CHN2: variants seen among roughly 807,000 people sequenced by gnomAD.
CHN2 encodes beta-chimaerin.
CHN2 carries 35 observed loss-of-function variants against 56.3 expected under a neutral mutation model. The observed-to-expected ratio is 0.62, with a 90% confidence interval of 0.47 to 0.82. CHN2 has a LOEUF of 0.82. CHN2 is among the 40% of genes least tolerant of loss of function. The pLI, the probability that CHN2 is intolerant of heterozygous loss-of-function variation, is 0.00. For missense variants in CHN2, 491 were observed against 580.5 expected (o/e 0.85, Z 1.58); for synonymous variants, 210 against 212.8 (o/e 0.99, Z 0.12).
At chr7:29,497,752 C>A (rs1554304447) in intron 8 of CHN2, among the ~76,000 whole-genome samples, 1 of 152,144 alleles carries the variant, frequency 6.6e-6, no homozygotes, top group Non-Finnish European at 1.5e-5. Flanking sequence ...TATAGAACAT[C>A]TTAATTTTAA....
intron 2 of CHN2, among the ~76,000 whole-genome samples, chr7:29,172,864 G>A (rs1189866471): frequency 6.6e-6 from 1 of 151,916 alleles, no homozygotes; most frequent in Non-Finnish European, 1.5e-5. Context: ...GGATAAGGCC[G>A]AGTGTGGTAG....
intron 3 of CHN2, among the ~76,000 whole-genome samples, chr7:29,390,269 A>T (rs549807704): frequency 1.3e-5 from 2 of 152,260 alleles, no homozygotes; most frequent in South Asian, 4.2e-4. Context: ...GTGTAACACG[A>T]CTACATATTT....
rs1210084380 is a variant in CHN2 at position 29,354,642 on chromosome 7, C to T, written c.67C>T (p.Pro23Ser). The change falls in exon 2 of 13, where the codon CCT becomes TCT. Residue 23 changes from proline to serine, a missense_variant. By Grantham distance (74) the Pro-to-Ser change is moderately conservative. Coordinates refer to ENST00000222792, the MANE Select transcript of CHN2 (RefSeq NM_004067.4). ...SVSSDAEEYQPPIWKSYLYQL... is the reference protein window; with the variant it reads ...SVSSDAEEYQSPIWKSYLYQL... ...CATTCTAGATGCTGAAGAATACCAGCCTCCTATATGGAAATCATACTGTGA... is the reference window on the plus strand; with the variant it reads ...CATTCTAGATGCTGAAGAATACCAGTCTCCTATATGGAAATCATACTGTGA... The T allele has an allele frequency of 1.9e-6, 3 of 1,611,414 alleles. No individual in the cohort carries two copies. The highest frequency in any genetic ancestry group is 2.5e-6 in the Non-Finnish European group (3 of 1,179,386).
At chr7:29,193,698 G>A (rs1490537353), upstream of CHN2, 1 of 152,190 alleles carries the variant, frequency 6.6e-6, no homozygotes, top group African/African-American at 2.4e-5. Flanking sequence ...CCTTGTGCTC[G>A]AGTCTCTTTC....
At chr7:29,198,024 G>A (rs1333114537) in intron 1 of CHN2, 2 of 456,284 alleles carry the variant, frequency 4.4e-6, no homozygotes, top group Admixed American at 4.7e-5. Flanking sequence ...TCTTGGGAAA[G>A]TTATGCTTAC....
intron 6 of CHN2, among the ~76,000 whole-genome samples, chr7:29,464,166 G>C (rs1218954911): frequency 6.6e-6 from 1 of 152,152 alleles, no homozygotes; most frequent in Non-Finnish European, 1.5e-5. Context: ...CCTTTATTGA[G>C]CCCTTATTTT....
At chr7:29,255,464 T>G (rs1788994731) in intron 1 of CHN2, among the ~76,000 whole-genome samples, 1 of 152,150 alleles carries the variant, frequency 6.6e-6, no homozygotes, top group Non-Finnish European at 1.5e-5. Flanking sequence ...GTTAGAACCT[T>G]CCAGCCATGA....
chr7:29,381,718 C>A (rs1456442935), intron 3 of CHN2, among the ~76,000 whole-genome samples: 1 of 150,418 alleles, frequency 6.6e-6, no homozygotes, highest in Non-Finnish European at 1.5e-5. Context: ...CTTACAGACA[C>A]CCTGGCTCCA....
At chr7:29,404,608 T>C (rs962639521) in intron 6 of CHN2, among the ~76,000 whole-genome samples, 2 of 152,138 alleles carry the variant, frequency 1.3e-5, no homozygotes, top group African/African-American at 2.4e-5. Context: ...TGGGCTGATG[T>C]GGAATGGGCA....
At chr7:29,278,409 T>A (rs1791403509) in intron 1 of CHN2, among the ~76,000 whole-genome samples, 1 of 150,434 alleles carries the variant, frequency 6.6e-6, no homozygotes, top group African/African-American at 2.5e-5. Flanking sequence ...AGAAGATACA[T>A]AAATGAATGA....
At chr7:29,235,685 A>G (rs1452596114) in intron 1 of CHN2, among the ~76,000 whole-genome samples, 2 of 152,232 alleles carry the variant, frequency 1.3e-5, no homozygotes, top group Non-Finnish European at 2.9e-5. Flanking sequence ...GTACATGTGC[A>G]CCATGGAATA....
intron 1 of CHN2, among the ~76,000 whole-genome samples, chr7:29,203,963 A>G (rs1444259642): frequency 1.3e-5 from 2 of 152,016 alleles, no homozygotes; most frequent in Admixed American, 1.3e-4. Context: ...GACTTCATGT[A>G]TTTTTGTTAG....
intron 1 of CHN2, among the ~76,000 whole-genome samples, chr7:29,238,692 G>T (rs539277480): frequency 4.6e-5 from 7 of 152,232 alleles, no homozygotes; most frequent in Non-Finnish European, 1.0e-4. Context: ...GGCTGAATTT[G>T]AGATAGGATG....
At chr7:29,380,170 C>T (rs71541506) in intron 3 of CHN2, among the ~76,000 whole-genome samples, 40,711 of 152,032 alleles carry the variant, frequency 0.27, 5,552 homozygotes, top group Middle Eastern at 0.33. Context: ...TACAATTCCA[C>T]CCTCCTGGTG....
At chr7:29,256,484 C>A (rs981938603) in intron 1 of CHN2, among the ~76,000 whole-genome samples, 2 of 152,138 alleles carry the variant, frequency 1.3e-5, no homozygotes, top group African/African-American at 2.4e-5. Flanking sequence ...TTAACCTTTA[C>A]CTTGTGATTT....
intron 1 of CHN2, among the ~76,000 whole-genome samples, chr7:29,280,509 G>T (rs895528903): frequency 5.3e-5 from 8 of 152,198 alleles, no homozygotes; most frequent in African/African-American, 1.7e-4. Context: ...GGAACTTACA[G>T]TTGGAGTTAC....
chr7:29,509,844 CAA>C (rs34925686), intron 12 of CHN2, among the ~76,000 whole-genome samples: 88,086 of 133,870 alleles, frequency 0.66, 27,953 homozygotes, highest in Middle Eastern at 0.68. Context: ...GACTCCATCT[CAA>C]AAAAAAAAAA....
chr7:29,387,509 C>CA (rs766780456), intron 3 of CHN2, among the ~76,000 whole-genome samples: 3 of 152,154 alleles, frequency 2.0e-5, no homozygotes, highest in East Asian at 1.9e-4. Flanking sequence ...CCAGCTATGA[C>CA]ACGTTCTCTC....
chr7:29,308,481 GT>G (rs1794340536), intron 1 of CHN2, among the ~76,000 whole-genome samples: 1 of 137,950 alleles, frequency 7.2e-6, no homozygotes, highest in Non-Finnish European at 1.6e-5. Context: ...GTGTGTGTGT[GT>G]TGGGATAGGA....
Sources: allele counts gnomAD v4.1 joint callset (sites outside exome capture counted in the v4.1 genomes callset), GRCh38; gene constraint gnomAD v4.1.1; transcripts MANE v1.5; gene names NCBI Gene and HGNC (gene_info 2026-07-23, HGNC 2026-07-21).